Variants in FSTL4 observed in about 807,000 individuals in gnomAD.
FSTL4 encodes follistatin-related protein 4.
A neutral mutation model predicts 78.2 loss-of-function variants in FSTL4; 28 were observed. The observed-to-expected ratio is 0.36, with a 90% CI of 0.27 to 0.49. The LOEUF is 0.49. Among genes scored for constraint, FSTL4 ranks in the 20% least tolerant of loss-of-function variants. The pLI is 0.98. For missense variants in FSTL4, 922 were observed against 1,084.9 expected (o/e 0.85, Z 2.11); for synonymous variants, 422 against 440.5 (o/e 0.96, Z 0.53).
At chr5:133,784,009 A>G in the FSTL4 span, among the ~76,000 whole-genome samples, 1 of 151,868 alleles carries the variant, frequency 6.6e-6, no homozygotes, top group South Asian at 2.1e-4. Context: ...TGCCTCCTCC[A>G]CTTACTAGTT....
At chr5:133,238,407 C>T (rs1177560699) in intron 7 of FSTL4, among the ~76,000 whole-genome samples, 4 of 152,222 alleles carry the variant, frequency 2.6e-5, no homozygotes, top group Non-Finnish European at 5.9e-5. Context: ...ATCTCACCTG[C>T]ACAGTCAAAT....
the FSTL4 span, among the ~76,000 whole-genome samples, chr5:133,795,302 C>T: frequency 2.6e-5 from 4 of 152,186 alleles, no homozygotes; most frequent in South Asian, 2.1e-4. Context: ...TGAGCAAATG[C>T]GCCTGCGCCC....
chr5:133,255,903 C>T (rs531424539), intron 6 of FSTL4, among the ~76,000 whole-genome samples: 2 of 152,276 alleles, frequency 1.3e-5, no homozygotes, highest in African/African-American at 2.4e-5. Flanking sequence ...GACTTGAACT[C>T]GATAAGACAC....
intron 3 of FSTL4, among the ~76,000 whole-genome samples, chr5:133,473,516 T>C (rs562413060): frequency 6.6e-6 from 1 of 152,304 alleles, no homozygotes; most frequent in African/African-American, 2.4e-5. Context: ...GCTGCCCAAC[T>C]GCTTAGGGGG....
At chr5:133,292,208 C>T (rs1561659343) in intron 6 of FSTL4, among the ~76,000 whole-genome samples, 1 of 152,202 alleles carries the variant, frequency 6.6e-6, no homozygotes, top group Non-Finnish European at 1.5e-5. Flanking sequence ...CACCAGAATG[C>T]AGAAAACAAG....
chr5:133,402,655 A>G (rs1299896369), intron 3 of FSTL4, among the ~76,000 whole-genome samples: 3 of 152,236 alleles, frequency 2.0e-5, no homozygotes, highest in Non-Finnish European at 2.9e-5. Context: ...TCATCATTAC[A>G]GATTTGAAAG....
chr5:133,815,510 C>T, the FSTL4 span, among the ~76,000 whole-genome samples: 2 of 152,122 alleles, frequency 1.3e-5, no homozygotes, highest in Non-Finnish European at 2.9e-5. Context: ...GCTCGAAATA[C>T]GACTGTCCTC....
chr5:133,288,148 T>C (rs1753179927), intron 6 of FSTL4, among the ~76,000 whole-genome samples: 1 of 152,250 alleles, frequency 6.6e-6, no homozygotes, highest in Admixed American at 6.5e-5. Flanking sequence ...ACAATTATTA[T>C]TTTAAAAAAT....
chr5:133,562,051 G>A (rs1759925727), intron 3 of FSTL4, among the ~76,000 whole-genome samples: 1 of 152,198 alleles, frequency 6.6e-6, no homozygotes, highest in African/African-American at 2.4e-5. Context: ...GTGCCTCACT[G>A]CATGTGAGAG....
intron 6 of FSTL4, among the ~76,000 whole-genome samples, chr5:133,298,800 G>A (rs1753466252): frequency 6.6e-6 from 1 of 152,240 alleles, no homozygotes; most frequent in South Asian, 2.1e-4. Context: ...ATTCTCCCTG[G>A]AAGTGCCCAT....
chr5:133,560,478 T>C (rs980104533), intron 3 of FSTL4, among the ~76,000 whole-genome samples: 1 of 152,026 alleles, frequency 6.6e-6, no homozygotes, highest in African/African-American at 2.4e-5. Flanking sequence ...CAAGTGATTC[T>C]CCTGCCTCCT....
At chr5:133,745,894 GACAA>G in the FSTL4 span, among the ~76,000 whole-genome samples, 1 of 152,202 alleles carries the variant, frequency 6.6e-6, no homozygotes, top group African/African-American at 2.4e-5. Flanking sequence ...TCACGTTAAT[GACAA>G]ACAAGTTCCC....
At chr5:133,207,206 T>TA (rs1750545551) in intron 14 of FSTL4, among the ~76,000 whole-genome samples, 1 of 152,262 alleles carries the variant, frequency 6.6e-6, no homozygotes, top group Admixed American at 6.5e-5. Context: ...TGTCTCTTCG[T>TA]ATATTTTAAA....
the FSTL4 span, among the ~76,000 whole-genome samples, chr5:133,644,628 C>T: frequency 6.6e-6 from 1 of 152,140 alleles, no homozygotes; most frequent in Non-Finnish European, 1.5e-5. Flanking sequence ...CTGGAAGTTT[C>T]CTACTCATTG....
At chr5:133,446,633 G>T (rs1757270742) in intron 3 of FSTL4, among the ~76,000 whole-genome samples, 1 of 152,192 alleles carries the variant, frequency 6.6e-6, no homozygotes, top group Admixed American at 6.5e-5. Context: ...CCCTCCCGGG[G>T]CCCTCCGCAG....
At chr5:133,738,016 G>A in the FSTL4 span, among the ~76,000 whole-genome samples, 4 of 152,084 alleles carry the variant, frequency 2.6e-5, no homozygotes, top group Admixed American at 2.6e-4. Flanking sequence ...CTGTTTCTCC[G>A]GGCTCAGGGT....
the FSTL4 span, among the ~76,000 whole-genome samples, chr5:133,765,166 C>T: frequency 1.3e-5 from 2 of 152,198 alleles, no homozygotes; most frequent in African/African-American, 2.4e-5. Context: ...TATTTCTCCT[C>T]TTTGTTGAAG....
intron 3 of FSTL4, among the ~76,000 whole-genome samples, chr5:133,556,230 T>C (rs1171125895): frequency 2.0e-5 from 3 of 152,222 alleles, no homozygotes; most frequent in Non-Finnish European, 2.9e-5. Flanking sequence ...ATCAATTTCC[T>C]ACAGAGTACA....
At chr5:133,835,462 T>C in the FSTL4 span, among the ~76,000 whole-genome samples, 51,235 of 152,120 alleles carry the variant, frequency 0.34, 9,458 homozygotes, top group Non-Finnish European at 0.43. Context: ...TACCTGTTCC[T>C]GAAATTTGTT....
Sources: gnomAD v4.1 joint callset for allele counts (sites outside exome capture counted in the v4.1 genomes callset) on GRCh38, gnomAD v4.1.1 for gene constraint, MANE v1.5 for transcripts, NCBI Gene and HGNC (gene_info 2026-07-23, HGNC 2026-07-21) for gene names.